Variants in NOTCH2 observed in about 807,000 individuals in gnomAD.
The protein encoded by NOTCH2 is neurogenic locus notch homolog protein 2.
A neutral mutation model predicts 235.8 loss-of-function variants in NOTCH2; 29 were observed. The ratio of observed to expected loss-of-function variants is 0.12; its 90% CI spans 0.09 to 0.17. The LOEUF (loss-of-function observed/expected upper bound fraction) is 0.17. NOTCH2 is among the 10% of genes least tolerant of loss of function. The pLI, the probability that NOTCH2 is intolerant of heterozygous loss-of-function variation, is 1.00. For missense variants in NOTCH2, 2,285 were observed against 3,150.2 expected (o/e 0.73, Z 6.57); for synonymous variants, 1,086 against 1,141.5 (o/e 0.95, Z 0.98).
At chr1:119,941,839 TC>T in intron 17 of NOTCH2, 85 bp from the exon 18 acceptor site, 2 of 1,061,174 alleles carry the variant, frequency 1.9e-6, no homozygotes, top group Non-Finnish European at 1.4e-6. Flanking sequence ...CTGAACTAAG[TC>T]ATGCTGGGGG....
chr1:120,066,440 T>G, intron 1 of NOTCH2, among the ~76,000 whole-genome samples: 1 of 105,026 alleles, frequency 9.5e-6, no homozygotes. Flanking sequence ...GGACACAGAG[T>G]TTTTTCTACC....
chr1:119,986,457 C>T (rs587632906), intron 5 of NOTCH2, among the ~76,000 whole-genome samples: 2 of 152,186 alleles, frequency 1.3e-5, no homozygotes, highest in South Asian at 2.1e-4. Context: ...ATGTAGGATG[C>T]GTATCATAAA....
Position 120,069,548 on chromosome 1 carries a change from C to T in NOTCH2, c.-142G>A. 2 of 1,415,268 alleles carry T rather than the reference C, an allele frequency of 1.4e-6. No homozygotes were observed. The highest frequency in any genetic ancestry group is 1.8e-6 in the Non-Finnish European group (2 of 1,093,124). The allele number at this position is 1,415,268 out of a possible 1,614,324, so 87.7% of individuals were successfully genotyped here. A position where few individuals can be genotyped will look rare whatever the true frequency, so the allele number is the denominator to read the frequency against. On this transcript the variant is annotated 5_prime_UTR_variant, in exon 1 of 34. Transcript: ENST00000256646. ...CAGGCCCTGGCGCTACGCTCCGAAG[C>T]CCAGGCGCAAATGCCTCGACTCCCC... is the stretch of plus-strand genomic sequence containing the variant.
chr1:119,965,600 G>A lies in NOTCH2; in HGVS notation c.1568-34C>T, dbSNP rs782713779. ...GGGACAGTGGTAACATGAGTCAAAG[G>A]ATTATCTTGTGTCTCCCTTTACCAT... On this transcript the variant is annotated intron_variant, in intron 9 of 33. Transcript: ENST00000256646. The A allele has an allele frequency of 2.9e-6, 4 of 1,389,082 alleles. No individual in the cohort carries two copies. The Admixed American group carries it at 6.7e-5, about 23-fold the overall frequency. The allele number at this position is 1,389,082 out of a possible 1,614,324, so 86.0% of individuals were successfully genotyped here.
chr1:120,007,516 C>T (rs1432443334), intron 2 of NOTCH2, among the ~76,000 whole-genome samples: 1 of 138,514 alleles, frequency 7.2e-6, no homozygotes, highest in African/African-American at 3.2e-5. Flanking sequence ...CATGGTGAAA[C>T]CCTGGCTCTA....
intron 1 of NOTCH2, 75 bp downstream of exon 1, chr1:120,069,259 G>A (rs1159053694): frequency 2.0e-6 from 3 of 1,526,298 alleles, no homozygotes; most frequent in African/African-American, 1.4e-5. Flanking sequence ...CACAGAGAAG[G>A]ACCGAGGGGG....
chr1:119,937,725 T>G, intron 20 of NOTCH2, 132 bp downstream of exon 20: 1 of 996,794 alleles, frequency 1.0e-6, no homozygotes, highest in South Asian at 1.4e-5. Context: ...TTGAGCCCTT[T>G]CCCCAGAGCC....
At chr1:119,982,555 G>T (rs936641107) in intron 5 of NOTCH2, among the ~76,000 whole-genome samples, 2 of 152,102 alleles carry the variant, frequency 1.3e-5, no homozygotes, top group African/African-American at 4.8e-5. Flanking sequence ...TCCTTAAATG[G>T]ATATCTGCCA....
intron 2 of NOTCH2, among the ~76,000 whole-genome samples, chr1:120,007,756 T>C (rs1653038922): frequency 6.6e-6 from 1 of 151,760 alleles, no homozygotes; most frequent in African/African-American, 2.4e-5. Context: ...TTGAGGAAAA[T>C]ACAATGCCCC....
chr1:120,033,161 C>T (rs1553211223), intron 1 of NOTCH2, among the ~76,000 whole-genome samples: 1 of 104,802 alleles, frequency 9.5e-6, no homozygotes, highest in African/African-American at 3.8e-5. Context: ...CACAGTGGCT[C>T]ACGCCTATAA....
At chr1:119,962,263 A>G (rs1490562545) in intron 11 of NOTCH2, among the ~76,000 whole-genome samples, 1 of 152,196 alleles carries the variant, frequency 6.6e-6, no homozygotes, top group Non-Finnish European at 1.5e-5. Flanking sequence ...GGTTTCCAGT[A>G]TGTTTATTAT....
rs1390289552 is a variant in NOTCH2 at position 120,006,718 on chromosome 1, G to T, written c.156-1130C>A. Among the ~76,000 whole-genome samples, 5 of 151,112 alleles carry T rather than the reference G, an allele frequency of 3.3e-5. No homozygotes were observed. The South Asian group carries it at 1.1e-3, about 32-fold the overall frequency. On this transcript the variant is annotated intron_variant, in intron 2 of 33. Transcript: ENST00000256646. Reference sequence around the variant, plus strand: ...TAGGCTGTTCCACCATTACCTCAAAGATTACACATTTAAACCAAACTCTAA... The same window carrying T: ...TAGGCTGTTCCACCATTACCTCAAATATTACACATTTAAACCAAACTCTAA...
At chr1:119,927,752 G>A (rs12568073) in intron 23 of NOTCH2, among the ~76,000 whole-genome samples, 2 of 152,184 alleles carry the variant, frequency 1.3e-5, no homozygotes, top group Non-Finnish European at 2.9e-5. Flanking sequence ...GCTGTAGACA[G>A]ATTATTCATA....
chr1:119,978,667 C>A (rs1651692522), intron 5 of NOTCH2, among the ~76,000 whole-genome samples: 1 of 152,196 alleles, frequency 6.6e-6, no homozygotes, highest in African/African-American at 2.4e-5. Context: ...ACCCCCGCCA[C>A]AGAGAAGAAA....
chr1:119,980,081 T>G (rs1400319261), intron 5 of NOTCH2, among the ~76,000 whole-genome samples: 2 of 152,198 alleles, frequency 1.3e-5, no homozygotes, highest in African/African-American at 4.8e-5. Context: ...ACATCTGGGT[T>G]GAGGACCAGT....
At chr1:119,936,855 A>AC (rs1553195780) in intron 21 of NOTCH2, among the ~76,000 whole-genome samples, 3 of 147,722 alleles carry the variant, frequency 2.0e-5, no homozygotes, top group African/African-American at 7.4e-5. Flanking sequence ...GATGAGCAAC[A>AC]TTTTTTTTTT....
chr1:119,953,883 G>A (rs965898498), intron 13 of NOTCH2, among the ~76,000 whole-genome samples, 195 bp from the exon 14 acceptor site: 9 of 152,034 alleles, frequency 5.9e-5, no homozygotes, highest in Non-Finnish European at 8.8e-5. Context: ...AACCTTCTTG[G>A]TGCTTTCCTG....
rs779274869 is a variant in NOTCH2, at chr1:119,925,736, G to A, written c.4080C>T (p.Thr1360=). 4.3e-6 allele frequency: 7 copies of A among 1,613,742 alleles called. No individual in the cohort carries two copies. The highest frequency in any genetic ancestry group is 3.3e-5 in the Admixed American group (2 of 59,978). The change falls in exon 25 of 34, where the codon ACC becomes ACT. Residue 1360 remains threonine (T), a synonymous_variant. Coordinates refer to ENST00000256646, the MANE Select transcript of NOTCH2 (RefSeq NM_024408.4). ...KCRKGEQCVH[T]ASGPRCFCPS... ...GGCAGAAGCAGCGGGGTCCAGAGGCGGTGTGCACACACTGCTCCCCCTTCC... is the reference window on the plus strand; with the variant it reads ...GGCAGAAGCAGCGGGGTCCAGAGGCAGTGTGCACACACTGCTCCCCCTTCC...
rs1451939574 is a variant in NOTCH2, at chr1:119,911,581, T to C, written c.*3725A>G. 4.3e-6 allele frequency: 1 copy of C among 230,916 alleles called. No individual in the cohort carries two copies. The highest frequency in any genetic ancestry group is 8.6e-6 in the Non-Finnish European group (1 of 116,690). The allele number at this position is 230,916 out of a possible 1,614,324, so 14.3% of individuals were successfully genotyped here. ...ATGTTCAAATATCTCACTGACTTTATAAATAAATGTATGAATGTGAACTTA... is the reference window on the plus strand; with the variant it reads ...ATGTTCAAATATCTCACTGACTTTACAAATAAATGTATGAATGTGAACTTA... On this transcript the variant is annotated 3_prime_UTR_variant, in exon 34 of 34. Coordinates refer to ENST00000256646, the MANE Select transcript of NOTCH2 (RefSeq NM_024408.4).
Sources: allele counts gnomAD v4.1 joint callset (sites outside exome capture counted in the v4.1 genomes callset), GRCh38; gene constraint gnomAD v4.1.1; transcripts MANE v1.5; gene names NCBI Gene and HGNC (gene_info 2026-07-23, HGNC 2026-07-21).